Variants in RNLS observed in about 807,000 individuals in gnomAD.
RNLS encodes the protein renalase, FAD dependent amine oxidase, also known as renalase.
Under a neutral mutation model 39.8 loss-of-function variants are expected in RNLS, and 39 were observed. The ratio of observed to expected loss-of-function variants is 0.98; its 90% CI spans 0.76 to 1.28. The LOEUF is 1.28. RNLS is among the 50% of genes most tolerant of loss of function. RNLS has a pLI of 0.00. For synonymous variants in RNLS, 147 were observed against 150.7 expected, an observed-to-expected ratio of 0.98 and a Z score of 0.18; for missense variants, 410 against 413.3, an observed-to-expected ratio of 0.99 and a Z score of 0.07.
intron 4 of RNLS, among the ~76,000 whole-genome samples, chr10:88,382,062 C>T (rs1251376920): frequency 2.0e-5 from 3 of 152,184 alleles, no homozygotes. Context: ...GACATATTGA[C>T]TGTATATGTT....
intron 5 of RNLS, among the ~76,000 whole-genome samples, chr10:88,322,200 A>G (rs1000403690): frequency 6.6e-5 from 10 of 152,222 alleles, no homozygotes; most frequent in Admixed American, 2.6e-4. Context: ...TATCTCAATA[A>G]ATGCAAAAAA....
chr10:88,296,862 T>C (rs1056147875), intron 6 of RNLS, among the ~76,000 whole-genome samples: 3 of 152,158 alleles, frequency 2.0e-5, no homozygotes, highest in Non-Finnish European at 4.4e-5. Flanking sequence ...CACTAATCTG[T>C]TTTTTGTCTC....
At chr10:88,334,328 C>A (rs1847329783) in intron 5 of RNLS, among the ~76,000 whole-genome samples, 1 of 151,988 alleles carries the variant, frequency 6.6e-6, no homozygotes, top group Non-Finnish European at 1.5e-5. Flanking sequence ...CATACAAATC[C>A]AATTTGTAAA....
intron 6 of RNLS, chr10:88,275,152 G>A: frequency 1.3e-6 from 1 of 745,664 alleles, no homozygotes; most frequent in South Asian, 1.8e-5. Flanking sequence ...CTGGAATGGG[G>A]AGGGTTCTGG....
At chr10:88,541,879 G>A (rs1799366255) in intron 4 of RNLS, among the ~76,000 whole-genome samples, 1 of 152,102 alleles carries the variant, frequency 6.6e-6, no homozygotes, top group African/African-American at 2.4e-5. Context: ...GGAAGGTGAT[G>A]TGTCTGTCTG....
At chr10:88,450,853 G>A (rs1408153434) in intron 4 of RNLS, among the ~76,000 whole-genome samples, 3 of 152,200 alleles carry the variant, frequency 2.0e-5, no homozygotes, top group Non-Finnish European at 4.4e-5. Flanking sequence ...TACATGAGTT[G>A]TGAGTATAAA....
At chr10:88,409,244 T>C (rs1046754919) in intron 4 of RNLS, among the ~76,000 whole-genome samples, 4 of 152,128 alleles carry the variant, frequency 2.6e-5, no homozygotes, top group African/African-American at 9.7e-5. Context: ...AATGAGAAAG[T>C]TAATTTAATT....
At chr10:88,275,776 T>C (rs559910550) in intron 6 of RNLS, among the ~76,000 whole-genome samples, 1 of 152,150 alleles carries the variant, frequency 6.6e-6, no homozygotes, top group African/African-American at 2.4e-5. Context: ...ACATGTAAGT[T>C]GGGCACAATG....
At chr10:88,523,592 A>C (rs1354258776) in intron 4 of RNLS, among the ~76,000 whole-genome samples, 1 of 152,162 alleles carries the variant, frequency 6.6e-6, no homozygotes, top group Non-Finnish European at 1.5e-5. Flanking sequence ...GAAATTACAA[A>C]GAACAAAACA....
the RNLS span, among the ~76,000 whole-genome samples, chr10:88,218,247 G>A: frequency 2.0e-5 from 3 of 152,318 alleles, no homozygotes; most frequent in Middle Eastern, 0.01. Flanking sequence ...CAACAGCCCT[G>A]TGCCTGTCAA....
chr10:88,570,975 T>G (rs2437870), intron 4 of RNLS, among the ~76,000 whole-genome samples: 117,267 of 144,906 alleles, frequency 0.81, 47,832 homozygotes, highest in East Asian at 0.96. Flanking sequence ...TTTTTTTTTT[T>G]TTTTTTTTGG....
At chr10:88,514,369 G>C (rs746537406) in intron 4 of RNLS, among the ~76,000 whole-genome samples, 4 of 151,996 alleles carry the variant, frequency 2.6e-5, no homozygotes, top group Non-Finnish European at 4.4e-5. Context: ...TCCCTCCCTC[G>C]ACACATGGGG....
chr10:88,443,517 A>G (rs1020955182), intron 4 of RNLS, among the ~76,000 whole-genome samples: 4 of 152,214 alleles, frequency 2.6e-5, no homozygotes, highest in Non-Finnish European at 4.4e-5. Context: ...AGGGCGAGGC[A>G]TCACCTCACC....
intron 4 of RNLS, among the ~76,000 whole-genome samples, chr10:88,372,728 A>T (rs970535253): frequency 1.3e-5 from 2 of 152,158 alleles, no homozygotes; most frequent in Non-Finnish European, 2.9e-5. Context: ...GTCTAGAATT[A>T]ATTTTGGACT....
chr10:88,420,048 A>AAATG (rs1392394510), intron 4 of RNLS, among the ~76,000 whole-genome samples: 1 of 121,354 alleles, frequency 8.2e-6, no homozygotes, highest in Non-Finnish European at 1.7e-5. Flanking sequence ...ATAAATAAAT[A>AAATG]AATAAATAAA....
intron 4 of RNLS, among the ~76,000 whole-genome samples, chr10:88,522,156 G>C (rs1376451722): frequency 6.6e-6 from 1 of 152,066 alleles, no homozygotes; most frequent in Non-Finnish European, 1.5e-5. Flanking sequence ...CTGAAATAAG[G>C]TTGTAGTGTG....
At chr10:88,462,110 T>C (rs959968058) in intron 4 of RNLS, among the ~76,000 whole-genome samples, 8 of 152,064 alleles carry the variant, frequency 5.3e-5, no homozygotes, top group Non-Finnish European at 2.9e-5. Context: ...TGAATACTAA[T>C]TTGGGTTAAT....
downstream of RNLS, among the ~76,000 whole-genome samples, chr10:88,280,607 A>G (rs1842976791): frequency 6.6e-6 from 1 of 152,264 alleles, no homozygotes; most frequent in South Asian, 2.1e-4. Flanking sequence ...TGCAGGCCAT[A>G]TGGTCTCTGT....
intron 6 of RNLS, among the ~76,000 whole-genome samples, chr10:88,290,747 G>C (rs952149658): frequency 6.6e-6 from 1 of 152,192 alleles, no homozygotes; most frequent in Admixed American, 6.5e-5. Flanking sequence ...GCTGATGTCT[G>C]ATATCCATGC....
Sources: gnomAD v4.1 joint callset for allele counts (sites outside exome capture counted in the v4.1 genomes callset) on GRCh38, gnomAD v4.1.1 for gene constraint, MANE v1.5 for transcripts, NCBI Gene and HGNC (gene_info 2026-07-23, HGNC 2026-07-21) for gene names.